The following PTPRN2 variants were observed in gnomAD, a reference collection of about 807,000 sequenced individuals.
PTPRN2 encodes the protein receptor-type tyrosine-protein phosphatase N2.
PTPRN2 carries 74 observed loss-of-function variants against 118.8 expected under a neutral mutation model. The ratio of observed to expected loss-of-function variants is 0.62; its 90% CI spans 0.52 to 0.76. The LOEUF is 0.76. Ranked by LOEUF, PTPRN2 falls within the 30% of genes least tolerant of loss-of-function variation. PTPRN2 has a pLI of 0.00. For missense variants in PTPRN2, 1,481 were observed against 1,394.4 expected (o/e 1.06, Z -0.99); for synonymous variants, 641 against 608.0 (o/e 1.05, Z -0.80).
At chr7:158,415,787 A>T (rs1036421669) in intron 2 of PTPRN2, among the ~76,000 whole-genome samples, 39 of 152,320 alleles carry the variant, frequency 2.6e-4, no homozygotes, top group African/African-American at 8.7e-4. Context: ...TTTCTTAAGG[A>T]AAAATTAAAC....
chr7:158,521,297 G>T (rs533195682), intron 1 of PTPRN2, among the ~76,000 whole-genome samples: 3 of 152,294 alleles, frequency 2.0e-5, no homozygotes, highest in African/African-American at 7.2e-5. Flanking sequence ...CTAGACCAAC[G>T]CACAGGACTG....
chr7:157,748,039 C>G (rs867203688), intron 12 of PTPRN2, among the ~76,000 whole-genome samples: 1,657 of 37,910 alleles, frequency 0.044, no homozygotes, highest in Middle Eastern at 0.17. Flanking sequence ...TCCCTGAGCT[C>G]TGGGCTGTCC....
At chr7:157,720,800 C>G (rs778010597) in intron 12 of PTPRN2, among the ~76,000 whole-genome samples, 1 of 152,176 alleles carries the variant, frequency 6.6e-6, no homozygotes, top group Non-Finnish European at 1.5e-5. Flanking sequence ...GTGGCAAAGC[C>G]GAGACCCTCA....
intron 3 of PTPRN2, among the ~76,000 whole-genome samples, chr7:158,314,032 C>A (rs1802088904): frequency 6.6e-6 from 1 of 151,736 alleles, no homozygotes; most frequent in Non-Finnish European, 1.5e-5. Flanking sequence ...CCTTGTGGCA[C>A]TAGCTCCCAT....
At chr7:157,988,795 G>C (rs1804018873) in intron 11 of PTPRN2, among the ~76,000 whole-genome samples, 1 of 152,182 alleles carries the variant, frequency 6.6e-6, no homozygotes, top group African/African-American at 2.4e-5. Flanking sequence ...GTCAGTGCTG[G>C]GCTGCACCCT....
chr7:158,216,515 T>G (rs887820584), intron 3 of PTPRN2, among the ~76,000 whole-genome samples: 1 of 151,970 alleles, frequency 6.6e-6, no homozygotes, highest in African/African-American at 2.4e-5. Flanking sequence ...TAAAAATATT[T>G]TTAAAAATAT....
At chr7:158,481,795 T>C (rs1393211150) in intron 2 of PTPRN2, among the ~76,000 whole-genome samples, 1 of 152,216 alleles carries the variant, frequency 6.6e-6, no homozygotes, top group African/African-American at 2.4e-5. Flanking sequence ...CTTTGTAAGA[T>C]GACAGCTGCC....
At chr7:158,290,083 G>C (rs1372819317) in intron 3 of PTPRN2, among the ~76,000 whole-genome samples, 1 of 152,210 alleles carries the variant, frequency 6.6e-6, no homozygotes, top group Non-Finnish European at 1.5e-5. Flanking sequence ...TGGGGCTAAG[G>C]TGGGCCCAGA....
chr7:158,116,760 C>T (rs536786261), intron 9 of PTPRN2, among the ~76,000 whole-genome samples: 14 of 152,148 alleles, frequency 9.2e-5, no homozygotes, highest in South Asian at 4.2e-4. Flanking sequence ...TCTCTTTTTC[C>T]GCTTTTGGGA....
chr7:157,544,273 C>G (rs569265045), intron 22 of PTPRN2, among the ~76,000 whole-genome samples: 10 of 152,254 alleles, frequency 6.6e-5, no homozygotes, highest in Admixed American at 1.3e-4. Context: ...GATGTGTGAG[C>G]GTGGACTGCG....
At chr7:157,772,536 C>T (rs1291869310) in intron 12 of PTPRN2, among the ~76,000 whole-genome samples, 1 of 152,214 alleles carries the variant, frequency 6.6e-6, no homozygotes, top group Non-Finnish European at 1.5e-5. Context: ...GCCCCTGATC[C>T]AGGTGCAGCT....
At chr7:158,332,086 C>G (rs1324220733) in intron 2 of PTPRN2, among the ~76,000 whole-genome samples, 283 of 146,816 alleles carry the variant, frequency 1.9e-3, no homozygotes, top group African/African-American at 7.4e-3. Flanking sequence ...CACCCACACT[C>G]TCACCATAAG....
intron 12 of PTPRN2, among the ~76,000 whole-genome samples, chr7:157,766,834 C>A (rs1339231232): frequency 6.6e-6 from 1 of 152,224 alleles, no homozygotes; most frequent in Non-Finnish European, 1.5e-5. Context: ...TTGGCTACCT[C>A]CGTTGGGGCC....
chr7:157,709,088 C>A (rs769218690), intron 12 of PTPRN2, among the ~76,000 whole-genome samples: 3 of 152,218 alleles, frequency 2.0e-5, no homozygotes, highest in Admixed American at 6.5e-5. Context: ...TGGCTTCTGC[C>A]TCTCCCAGTG....
chr7:158,390,095 T>C (rs970355786), intron 2 of PTPRN2, among the ~76,000 whole-genome samples: 1 of 152,222 alleles, frequency 6.6e-6, no homozygotes, highest in African/African-American at 2.4e-5. Context: ...ACCGATCTTC[T>C]TTGTGCCCCA....
chr7:157,608,970 G>A (rs148157704), intron 15 of PTPRN2, among the ~76,000 whole-genome samples: 3 of 152,208 alleles, frequency 2.0e-5, no homozygotes, highest in Non-Finnish European at 4.4e-5. Flanking sequence ...GGGAACTCAC[G>A]TAGAGTCTTC....
chr7:158,286,017 A>T (rs540254121), intron 3 of PTPRN2, among the ~76,000 whole-genome samples: 15 of 152,184 alleles, frequency 9.9e-5, no homozygotes, highest in Non-Finnish European at 2.1e-4. Flanking sequence ...ACGAGAATGA[A>T]CATTTATCAA....
chr7:158,494,163 G>T (rs578178401), intron 1 of PTPRN2, among the ~76,000 whole-genome samples: 10 of 152,356 alleles, frequency 6.6e-5, no homozygotes, highest in African/African-American at 2.4e-4. Context: ...AATGTGAACA[G>T]AGCCCACCAC....
At chr7:158,159,468 A>T (rs1169187048) in intron 6 of PTPRN2, among the ~76,000 whole-genome samples, 2 of 152,226 alleles carry the variant, frequency 1.3e-5, no homozygotes, top group Admixed American at 1.3e-4. Context: ...TGCAATGTGA[A>T]ATTCAGAACC....
Sources: allele counts gnomAD v4.1 joint callset (sites outside exome capture counted in the v4.1 genomes callset), GRCh38; gene constraint gnomAD v4.1.1; transcripts MANE v1.5; gene names NCBI Gene and HGNC (gene_info 2026-07-23, HGNC 2026-07-21).